Variants in PKNOX2 observed in about 807,000 individuals in gnomAD.
The protein encoded by PKNOX2 is PBX/knotted 1 homeobox 2, also known as homeobox protein PKNOX2.
A neutral mutation model predicts 53.1 loss-of-function variants in PKNOX2; 14 were observed. The observed-to-expected ratio is 0.26, with a 90% CI of 0.17 to 0.41. The LOEUF (loss-of-function observed/expected upper bound fraction) is 0.41, where lower values mean the gene tolerates loss of function less well. Ranked by LOEUF, PKNOX2 falls within the 10% of genes least tolerant of loss-of-function variation. The probability of loss-of-function intolerance (pLI) is 1.00; values close to 1 mark genes in which losing one functional copy is unlikely to be tolerated. For missense variants in PKNOX2, 496 were observed against 602.8 expected (o/e 0.82, Z 1.85); for synonymous variants, 257 against 242.8 (o/e 1.06, Z -0.54).
intron 3 of PKNOX2, among the ~76,000 whole-genome samples, chr11:125,337,953 A>T (rs1254893841): frequency 6.6e-6 from 1 of 152,172 alleles, no homozygotes; most frequent in Non-Finnish European, 1.5e-5. Flanking sequence ...GTTGTCTGAC[A>T]GTCTGCCCTA....
chr11:125,429,843 G>A (rs1211015695), intron 11 of PKNOX2, 120 bp from the exon 12 acceptor site: 12 of 1,195,086 alleles, frequency 1.0e-5, no homozygotes, highest in South Asian at 3.2e-5. Flanking sequence ...TTTTACATCC[G>A]GGATGGGAAC....
chr11:125,322,488 C>T (rs894425241), intron 2 of PKNOX2, among the ~76,000 whole-genome samples: 14 of 152,172 alleles, frequency 9.2e-5, no homozygotes, highest in African/African-American at 2.9e-4. Flanking sequence ...CTGTCCTCTG[C>T]GTTTTCCATG....
chr11:125,405,060 G>C (rs1011737324), intron 7 of PKNOX2, among the ~76,000 whole-genome samples: 11 of 152,324 alleles, frequency 7.2e-5, no homozygotes, highest in African/African-American at 1.7e-4. Context: ...CTAGTGGCCG[G>C]GGGGAGGATG....
At chr11:125,306,218 G>A (rs369549317) in intron 2 of PKNOX2, among the ~76,000 whole-genome samples, 5 of 151,580 alleles carry the variant, frequency 3.3e-5, no homozygotes, top group Admixed American at 1.3e-4. Flanking sequence ...AGGCTGGGAA[G>A]TTTTATGGGT....
chr11:125,420,929 C>T (rs1956138501), intron 10 of PKNOX2, among the ~76,000 whole-genome samples: 1 of 152,154 alleles, frequency 6.6e-6, no homozygotes, highest in South Asian at 2.1e-4. Context: ...AGCAGTCTCT[C>T]GCCTGTCCTT....
At chr11:125,399,936 C>T (rs905858592) in intron 7 of PKNOX2, among the ~76,000 whole-genome samples, 16 of 152,192 alleles carry the variant, frequency 1.1e-4, no homozygotes, top group Non-Finnish European at 1.5e-4. Context: ...AAGGATAACG[C>T]GGACTCTGGA....
intron 2 of PKNOX2, among the ~76,000 whole-genome samples, chr11:125,291,260 C>T (rs982509765): frequency 3.9e-5 from 6 of 152,190 alleles, no homozygotes; most frequent in South Asian, 2.1e-4. Context: ...AGGTATACAA[C>T]GGTCCTTCTC....
Position 125,328,209 on chromosome 11 carries a change from A to G in PKNOX2, c.-129-3610A>G, listed in dbSNP as rs372350063. ...CCTGGCCCTGAGCCCTGCTCTGGCC[A>G]TTGTGGGATCTGGAGGCTGACAGTC... On this transcript the variant is annotated intron_variant, in intron 2 of 12. Coordinates refer to ENST00000298282, the MANE Select transcript of PKNOX2 (RefSeq NM_001382323.2). Among the ~76,000 whole-genome samples, 26 of 152,338 alleles carry G rather than the reference A, an allele frequency of 1.7e-4. No homozygotes were observed. In the East Asian group the frequency reaches 1.7e-3, roughly 10 times the overall value.
intron 2 of PKNOX2, among the ~76,000 whole-genome samples, chr11:125,312,932 A>G (rs931784899): frequency 2.6e-5 from 4 of 152,206 alleles, no homozygotes; most frequent in South Asian, 2.1e-4. Flanking sequence ...CAGCATTTAA[A>G]GATGAACAGA....
intron 7 of PKNOX2, among the ~76,000 whole-genome samples, chr11:125,405,895 G>T (rs371271116): frequency 1.5e-4 from 23 of 152,188 alleles, no homozygotes; most frequent in African/African-American, 5.5e-4. Context: ...GGGACACCAC[G>T]GCTGTCTTCC....
chr11:125,386,975 G>C (rs1953682294), intron 6 of PKNOX2, among the ~76,000 whole-genome samples: 1 of 152,154 alleles, frequency 6.6e-6, no homozygotes, highest in African/African-American at 2.4e-5. Flanking sequence ...CTGTCGGGAG[G>C]GTCAGTGAAG....
chr11:125,172,752 G>A (rs780369260), intron 1 of PKNOX2, among the ~76,000 whole-genome samples: 3 of 152,110 alleles, frequency 2.0e-5, no homozygotes, highest in Admixed American at 6.5e-5. Flanking sequence ...CACCGCCACC[G>A]CCACAAATCC....
At chr11:125,376,149 T>C (rs760560902) in intron 5 of PKNOX2, among the ~76,000 whole-genome samples, 1 of 152,164 alleles carries the variant, frequency 6.6e-6, no homozygotes, top group East Asian at 1.9e-4. Flanking sequence ...CGACCTGCCC[T>C]GGGCCCCACA....
intron 11 of PKNOX2, 137 bp from the exon 12 acceptor site, chr11:125,429,826 G>A: frequency 9.8e-7 from 1 of 1,020,640 alleles, no homozygotes; most frequent in Non-Finnish European, 1.4e-6. Flanking sequence ...CCTCCTCCTT[G>A]CTGGGCTTTT....
intron 2 of PKNOX2, among the ~76,000 whole-genome samples, chr11:125,271,813 G>A (rs556330818): frequency 1.3e-5 from 2 of 152,260 alleles, no homozygotes; most frequent in African/African-American, 4.8e-5. Context: ...GCTCTGCTCA[G>A]CCCATGGTAC....
intron 1 of PKNOX2, among the ~76,000 whole-genome samples, chr11:125,190,318 C>T (rs1739121885): frequency 6.6e-6 from 1 of 152,210 alleles, no homozygotes; most frequent in Non-Finnish European, 1.5e-5. Context: ...GTCCTCCTAT[C>T]CGTGCCCAGC....
intron 5 of PKNOX2, among the ~76,000 whole-genome samples, chr11:125,375,070 C>A (rs1030073226): frequency 6.6e-6 from 1 of 152,194 alleles, no homozygotes; most frequent in African/African-American, 2.4e-5. Flanking sequence ...TTCTGCTTTT[C>A]CCAGGCACTG....
At chr11:125,279,641 C>T (rs910939229) in intron 2 of PKNOX2, among the ~76,000 whole-genome samples, 21 of 152,112 alleles carry the variant, frequency 1.4e-4, no homozygotes, top group East Asian at 1.4e-3. Flanking sequence ...AGAAGTGGAA[C>T]GCAGGGGAGT....
chr11:125,376,367 G>C (rs894983118), intron 5 of PKNOX2, among the ~76,000 whole-genome samples: 1 of 152,170 alleles, frequency 6.6e-6, no homozygotes, highest in Non-Finnish European at 1.5e-5. Flanking sequence ...CCAACCAGGG[G>C]CCGCTGGCTC....
Sources: gnomAD v4.1 joint callset for allele counts (sites outside exome capture counted in the v4.1 genomes callset) on GRCh38, gnomAD v4.1.1 for gene constraint, MANE v1.5 for transcripts, NCBI Gene and HGNC (gene_info 2026-07-23, HGNC 2026-07-21) for gene names.